Variants in COLEC12 observed in about 807,000 individuals in gnomAD.
The protein encoded by COLEC12 is collectin-12.
A neutral mutation model predicts 71.1 loss-of-function variants in COLEC12; 33 were observed. The observed-to-expected ratio is 0.46, with a 90% CI of 0.35 to 0.62. The LOEUF is 0.62. COLEC12 is among the 20% of genes least tolerant of loss of function. The probability of loss-of-function intolerance (pLI) is 0.00; values close to 1 mark genes in which losing one functional copy is unlikely to be tolerated. For synonymous variants in COLEC12, 350 were observed against 353.0 expected (o/e 0.99, Z 0.10); for missense variants, 765 against 916.1 (o/e 0.84, Z 2.13).
intron 3 of COLEC12, among the ~76,000 whole-genome samples, chr18:348,829 T>C (rs901145247): frequency 2.0e-5 from 3 of 152,182 alleles, no homozygotes; most frequent in African/African-American, 7.2e-5. Context: ...GGTAGTATTT[T>C]CTTGATTGCA....
At chr18:420,106 G>A (rs558550766) in intron 2 of COLEC12, among the ~76,000 whole-genome samples, 4 of 152,268 alleles carry the variant, frequency 2.6e-5, no homozygotes, top group Admixed American at 1.3e-4. Context: ...GGATTGTGGC[G>A]CAGAGGAGAG....
intron 2 of COLEC12, among the ~76,000 whole-genome samples, chr18:413,802 C>G (rs1202172378): frequency 1.3e-5 from 2 of 152,210 alleles, no homozygotes; most frequent in Non-Finnish European, 2.9e-5. Flanking sequence ...TGATGGAATA[C>G]TACTCACCAA....
intron 2 of COLEC12, among the ~76,000 whole-genome samples, chr18:425,285 C>A (rs1916178417): frequency 6.6e-6 from 1 of 152,198 alleles, no homozygotes; most frequent in African/African-American, 2.4e-5. Flanking sequence ...CTGGAAGCAT[C>A]TTCCTACACA....
intron 8 of COLEC12, among the ~76,000 whole-genome samples, chr18:323,793 G>A (rs1216830769): frequency 6.6e-6 from 1 of 152,072 alleles, no homozygotes; most frequent in Admixed American, 6.5e-5. Flanking sequence ...AGTTAATTGG[G>A]AAATTATATA....
At chr18:383,905 T>C (rs1163160429) in intron 2 of COLEC12, among the ~76,000 whole-genome samples, 1 of 152,158 alleles carries the variant, frequency 6.6e-6, no homozygotes, top group Admixed American at 6.5e-5. Context: ...TCTTACATGG[T>C]GGCAGGCAAA....
chr18:350,171 G>A (rs1399890459), intron 3 of COLEC12, among the ~76,000 whole-genome samples: 3 of 152,196 alleles, frequency 2.0e-5, no homozygotes, highest in Non-Finnish European at 2.9e-5. Flanking sequence ...ATGTGTTGTG[G>A]GAAGGACCCA....
chr18:377,302 T>C (rs1273471615), intron 2 of COLEC12, among the ~76,000 whole-genome samples: 2 of 152,184 alleles, frequency 1.3e-5, no homozygotes, highest in Non-Finnish European at 2.9e-5. Context: ...ACCAGCAGCA[T>C]GATGCTCCCG....
At position 362,081 on chromosome 18, in the gene COLEC12, C is replaced by G. The variant is rs1435025875; in HGVS notation, c.59-4559G>C. On this transcript the variant is annotated intron_variant, in intron 2 of 9. Transcript: ENST00000400256. This position sits in a 1 kb window ranked among gnomAD's most constrained non-coding sequence, Gnocchi z 4.6. ...CAGAAGCCACAGGTCCTGACTCCAGCACACTCATCTTTCCCTCCCATCCTT... is the reference window on the plus strand; with the variant it reads ...CAGAAGCCACAGGTCCTGACTCCAGGACACTCATCTTTCCCTCCCATCCTT... 6.6e-6 allele frequency among the ~76,000 whole-genome samples: 1 copy of G among 152,174 alleles called. No homozygotes were observed. The highest frequency in any genetic ancestry group is 1.9e-4 in the East Asian group (1 of 5,190).
chr18:359,884 G>A (rs17452020), intron 2 of COLEC12, among the ~76,000 whole-genome samples: 33,524 of 152,178 alleles, frequency 0.22, 4,164 homozygotes, highest in Middle Eastern at 0.36. Flanking sequence ...GTAATTTTAC[G>A]CATAGTGCCC....
At chr18:340,074 C>CAAAAAAAAAAAAAAAAAAA (rs60991743) in intron 5 of COLEC12, among the ~76,000 whole-genome samples, 10 of 94,222 alleles carry the variant, frequency 1.1e-4, no homozygotes, top group Non-Finnish European at 1.8e-4. Flanking sequence ...TGCCTGAAAG[C>CAAAAAAAAAAAAAAAAAAA]AAAAAAAAAA....
chr18:419,520 A>G (rs1357751006), intron 2 of COLEC12, among the ~76,000 whole-genome samples: 6 of 152,218 alleles, frequency 3.9e-5, no homozygotes, highest in African/African-American at 1.4e-4. Context: ...TATATTTTAA[A>G]TGATACAGAG....
chr18:351,177 GCTCA>G (rs1317671369), intron 3 of COLEC12, among the ~76,000 whole-genome samples: 1 of 152,110 alleles, frequency 6.6e-6, no homozygotes, highest in Non-Finnish European at 1.5e-5. Context: ...CCCTGGAGAA[GCTCA>G]CTGTTTTCCC....
At chr18:394,505 G>A (rs1915527552) in intron 2 of COLEC12, among the ~76,000 whole-genome samples, 1 of 152,212 alleles carries the variant, frequency 6.6e-6, no homozygotes, top group African/African-American at 2.4e-5. Flanking sequence ...ACAGCAGAAT[G>A]TTGTATCAAA....
intron 1 of COLEC12, among the ~76,000 whole-genome samples, chr18:482,441 G>A (rs1056016823): frequency 5.3e-5 from 8 of 151,638 alleles, no homozygotes; most frequent in African/African-American, 1.7e-4. Context: ...AGTAAGAGGT[G>A]CCAAAGCCAG....
At chr18:336,892 G>T (rs1380870531) in intron 5 of COLEC12, among the ~76,000 whole-genome samples, 5 of 151,924 alleles carry the variant, frequency 3.3e-5, no homozygotes, top group Non-Finnish European at 7.4e-5. Context: ...GTCTCACTCT[G>T]TCACCCAGGC....
Position 333,071 on chromosome 18 carries a change from T to C in COLEC12, c.1889A>G (p.Asp630Gly). 1 of 1,612,616 alleles carries C rather than the reference T, an allele frequency of 6.2e-7. No individual in the cohort carries two copies. Among genetic ancestry groups the C allele is most frequent in the Non-Finnish European group, 8.5e-7 (1 of 1,179,336 alleles). Reference protein sequence around the residue: ...YFSVEKEIFEDAKLFCEDKSS... With the variant: ...YFSVEKEIFEGAKLFCEDKSS... ...CTTGTCTTCACAGAAAAGCTTTGCA[T>C]CCTCAAAAATTTCTTTCTCAACTGA... The change falls in exon 7 of 10, where the codon GAT becomes GGT. Residue 630 changes from aspartate (D) to glycine (G), a missense_variant. By Grantham distance (94) the Asp-to-Gly change is moderately conservative. Coordinates refer to ENST00000400256, the MANE Select transcript of COLEC12 (RefSeq NM_130386.3).
intron 2 of COLEC12, among the ~76,000 whole-genome samples, chr18:382,772 T>C (rs1466732325): frequency 1.7e-4 from 26 of 151,932 alleles, no homozygotes; most frequent in Admixed American, 1.7e-3. Context: ...TTTTCTCCTT[T>C]TTGCTGATTC....
chr18:322,193 TACAC>T (rs34440882), intron 8 of COLEC12, among the ~76,000 whole-genome samples: 6 of 149,706 alleles, frequency 4.0e-5, no homozygotes, highest in Admixed American at 6.7e-5. Context: ...GAGGACATGA[TACAC>T]ACACACACAC....
Position 319,326 on chromosome 18 carries a change from A to T in COLEC12, c.*719T>A, listed in dbSNP as rs1187037755. 2.4e-3 allele frequency: 8 copies of T among 3,318 alleles called. No homozygotes were observed. Among genetic ancestry groups the T allele is most frequent in the African/African-American group, 3.9e-3 (8 of 2,050 alleles). The allele number at this position is 3,318 out of a possible 1,614,324, so 0.2% of individuals were successfully genotyped here. A position where few individuals can be genotyped will look rare whatever the true frequency, so the allele number is the denominator to read the frequency against. On this transcript the variant is annotated 3_prime_UTR_variant, in exon 10 of 10. Transcript: ENST00000400256. ...CCTCTGAGGAAATGAAACATTAAAAAAAAAAAAAAAAAAAAATATATATAT... is the reference window on the plus strand; with the variant it reads ...CCTCTGAGGAAATGAAACATTAAAATAAAAAAAAAAAAAAAATATATATAT...
Sources: allele counts gnomAD v4.1 joint callset (sites outside exome capture counted in the v4.1 genomes callset), GRCh38; gene constraint gnomAD v4.1.1; non-coding constraint Gnocchi (gnomAD v3.1); transcripts MANE v1.5; gene names NCBI Gene and HGNC (gene_info 2026-07-23, HGNC 2026-07-21).